The following PIK3C2G variants were observed in gnomAD, a reference collection of about 807,000 sequenced individuals.
PIK3C2G encodes phosphatidylinositol 3-kinase C2 domain-containing subunit gamma.
A neutral mutation model predicts 181.1 loss-of-function variants in PIK3C2G; 168 were observed. The observed-to-expected ratio is 0.93, with a 90% CI of 0.82 to 1.05. The LOEUF is 1.05. Ranked by LOEUF, PIK3C2G falls within the 50% of genes least tolerant of loss-of-function variation. PIK3C2G has a pLI of 0.00. For synonymous variants in PIK3C2G, 573 were observed against 592.2 expected (o/e 0.97, Z 0.47); for missense variants, 1,869 against 1,732.8 (o/e 1.08, Z -1.40).
chr12:18,625,171 T>C (rs1241062771), intron 31 of PIK3C2G, among the ~76,000 whole-genome samples: 2 of 151,814 alleles, frequency 1.3e-5, no homozygotes, highest in African/African-American at 4.8e-5. Context: ...TTACAAACTT[T>C]GTTTTTAGAC....
chr12:18,250,132 C>T (rs1267200693), intron 1 of PIK3C2G, among the ~76,000 whole-genome samples: 2 of 151,878 alleles, frequency 1.3e-5, no homozygotes, highest in Admixed American at 6.6e-5. Flanking sequence ...TAGAAAATAT[C>T]GACTGGAACT....
chr12:18,274,130 G>A (rs1174940713), intron 1 of PIK3C2G, among the ~76,000 whole-genome samples: 1 of 152,096 alleles, frequency 6.6e-6, no homozygotes, highest in Non-Finnish European at 1.5e-5. Context: ...TTAGAATGGT[G>A]ATCATTAAAA....
At chr12:18,297,187 C>T (rs956986093) in intron 5 of PIK3C2G, among the ~76,000 whole-genome samples, 8 of 151,964 alleles carry the variant, frequency 5.3e-5, no homozygotes, top group Admixed American at 2.0e-4. Flanking sequence ...AACAATTGTA[C>T]CTTCACCTAT....
the PIK3C2G span, among the ~76,000 whole-genome samples, chr12:18,696,989 TG>T: frequency 1.3e-5 from 2 of 152,176 alleles, no homozygotes; most frequent in Non-Finnish European, 2.9e-5. Flanking sequence ...ATATTCTTTG[TG>T]TTTCTTCTTG....
chr12:18,280,289 G>A (rs1949155736), intron 1 of PIK3C2G, among the ~76,000 whole-genome samples: 2 of 151,880 alleles, frequency 1.3e-5, no homozygotes. Context: ...ATGATCTAAC[G>A]GAAAAGGGAA....
At chr12:18,455,656 C>G (rs1304948028) in intron 18 of PIK3C2G, among the ~76,000 whole-genome samples, 1 of 152,066 alleles carries the variant, frequency 6.6e-6, no homozygotes, top group African/African-American at 2.4e-5. Flanking sequence ...TGAAGACTTG[C>G]TTCCTGCTTC....
At chr12:18,468,611 T>G (rs2135966044) in intron 18 of PIK3C2G, among the ~76,000 whole-genome samples, 1 of 152,226 alleles carries the variant, frequency 6.6e-6, no homozygotes, top group East Asian at 1.9e-4. Context: ...AATAACTAGT[T>G]ACTGTGACTT....
At chr12:18,375,716 C>T (rs895333332) in intron 13 of PIK3C2G, among the ~76,000 whole-genome samples, 1 of 152,312 alleles carries the variant, frequency 6.6e-6, no homozygotes, top group Non-Finnish European at 1.5e-5. Flanking sequence ...CCAGGCAGCA[C>T]CTCCCATCAC....
At chr12:18,666,924 T>C in the PIK3C2G span, among the ~76,000 whole-genome samples, 3 of 152,190 alleles carry the variant, frequency 2.0e-5, no homozygotes, top group African/African-American at 7.2e-5. Flanking sequence ...ACAAATTCTC[T>C]AGGAGGCAGG....
intron 14 of PIK3C2G, among the ~76,000 whole-genome samples, chr12:18,384,950 T>A (rs911600117): frequency 6.6e-6 from 1 of 152,176 alleles, no homozygotes; most frequent in African/African-American, 2.4e-5. Context: ...AAACCTTTAA[T>A]AGTATCAGTT....
At chr12:18,284,512 G>T (rs1009147012) in intron 2 of PIK3C2G, among the ~76,000 whole-genome samples, 13 of 152,092 alleles carry the variant, frequency 8.5e-5, no homozygotes, top group African/African-American at 2.9e-4. Flanking sequence ...TCTCGCTCAA[G>T]AAAATAACTC....
At chr12:18,464,875 G>C (rs1327428028) in intron 18 of PIK3C2G, among the ~76,000 whole-genome samples, 1 of 151,912 alleles carries the variant, frequency 6.6e-6, no homozygotes, top group African/African-American at 2.4e-5. Context: ...TGTGAGTACT[G>C]ATATTTTTGG....
intron 24 of PIK3C2G, among the ~76,000 whole-genome samples, chr12:18,516,051 CA>C (rs772509533): frequency 6.6e-6 from 1 of 152,058 alleles, no homozygotes; most frequent in Non-Finnish European, 1.5e-5. Context: ...TCTGTGTACT[CA>C]CTTTTACCAG....
At chr12:18,551,854 C>T (rs1169401581) in intron 26 of PIK3C2G, among the ~76,000 whole-genome samples, 6 of 152,140 alleles carry the variant, frequency 3.9e-5, no homozygotes, top group Admixed American at 2.6e-4. Flanking sequence ...GTTCCCTGCT[C>T]ATTGCCCAAT....
chr12:18,495,351 CA>C (rs1454112569), intron 20 of PIK3C2G, among the ~76,000 whole-genome samples: 9 of 151,846 alleles, frequency 5.9e-5, no homozygotes, highest in African/African-American at 1.9e-4. Context: ...GTCAACATCA[CA>C]AAGCTGAAAA....
Position 18,282,353 on chromosome 12 carries a change from C to A in PIK3C2G, c.272C>A (p.Ser91Tyr). ...CAAATATCCTTGAATGAATTCACTT[C>A]TAAAAGCCGTGAACTCTCCTGGCAT... ...AHQISLNEFT[S>Y]KSRELSWHQV... The change falls in exon 2 of 33, where the codon TCT becomes TAT. Residue 91 changes from serine to tyrosine, a missense_variant. Coordinates refer to ENST00000538779, the MANE Select transcript of PIK3C2G (RefSeq NM_001288772.2). The A allele has an allele frequency of 6.2e-7, 1 of 1,613,752 alleles. No homozygotes were observed.
At chr12:18,396,897 G>C (rs999088888) in intron 15 of PIK3C2G, among the ~76,000 whole-genome samples, 11 of 151,628 alleles carry the variant, frequency 7.3e-5, no homozygotes, top group Non-Finnish European at 1.3e-4. Flanking sequence ...AATCCCAGCA[G>C]GTTTTTGTAG....
Position 18,428,622 on chromosome 12 carries a change from A to C in PIK3C2G, c.2504+4583A>C, listed in dbSNP as rs963156396. ...CCAGATACTGAGCTATGAATAAGTAAGATTGGAATGAAAACCATCTTGACT... is the reference window on the plus strand; with the variant it reads ...CCAGATACTGAGCTATGAATAAGTACGATTGGAATGAAAACCATCTTGACT... On this transcript the variant is annotated intron_variant, in intron 18 of 32. Coordinates refer to ENST00000538779, the MANE Select transcript of PIK3C2G (RefSeq NM_001288772.2). Among the ~76,000 whole-genome samples, 4 of 152,326 alleles carry C rather than the reference A, an allele frequency of 2.6e-5. No individual in the cohort carries two copies. In the East Asian group the frequency reaches 7.7e-4, roughly 29 times the overall value.
intron 18 of PIK3C2G, among the ~76,000 whole-genome samples, chr12:18,459,750 C>G (rs1258643268): frequency 6.6e-6 from 1 of 152,122 alleles, no homozygotes; most frequent in African/African-American, 2.4e-5. Flanking sequence ...TATACTACAT[C>G]AAATGCTATA....
Sources: allele counts gnomAD v4.1 joint callset (sites outside exome capture counted in the v4.1 genomes callset), GRCh38; gene constraint gnomAD v4.1.1; transcripts MANE v1.5; gene names NCBI Gene and HGNC (gene_info 2026-07-23, HGNC 2026-07-21).